NAALADL2: variants seen among roughly 807,000 people sequenced by gnomAD.
NAALADL2 encodes the protein inactive N-acetylated-alpha-linked acidic dipeptidase-like protein 2.
Under a neutral mutation model 87.2 loss-of-function variants are expected in NAALADL2, and 76 were observed. The ratio of observed to expected loss-of-function variants is 0.87; its 90% confidence interval spans 0.72 to 1.05. The LOEUF (loss-of-function observed/expected upper bound fraction) is 1.05. Ranked by LOEUF, NAALADL2 falls within the 50% of genes least tolerant of loss-of-function variation. The pLI, the probability that NAALADL2 is intolerant of heterozygous loss-of-function variation, is 0.00. For missense variants in NAALADL2, 1,089 were observed against 945.8 expected, an observed-to-expected ratio of 1.15 and a Z score of -1.99; for synonymous variants, 354 against 331.0, an observed-to-expected ratio of 1.07 and a Z score of -0.75.
At chr3:175,677,719 A>G (rs1735009936) in intron 11 of NAALADL2, among the ~76,000 whole-genome samples, 1 of 152,290 alleles carries the variant, frequency 6.6e-6, no homozygotes, top group Middle Eastern at 3.4e-3. Context: ...AAACTCACAA[A>G]TATTTGAGTT....
chr3:175,350,260 A>C (rs1194052745), intron 5 of NAALADL2, among the ~76,000 whole-genome samples: 9 of 152,174 alleles, frequency 5.9e-5, no homozygotes, highest in Non-Finnish European at 1.2e-4. Flanking sequence ...GGCAGTAAAA[A>C]TATACTCCTG....
chr3:175,226,130 T>C (rs1744120644), intron 2 of NAALADL2, among the ~76,000 whole-genome samples: 1 of 152,120 alleles, frequency 6.6e-6, no homozygotes, highest in Non-Finnish European at 1.5e-5. Context: ...GCATGCCTTC[T>C]ATTACTTGTA....
intron 2 of NAALADL2, among the ~76,000 whole-genome samples, chr3:175,207,100 T>C (rs76046447): frequency 6.6e-6 from 1 of 152,292 alleles, no homozygotes; most frequent in East Asian, 1.9e-4. Flanking sequence ...ATGATAGATG[T>C]TATAAATGCA....
rs550085264 is a variant in NAALADL2 at position 174,807,750 on chromosome 3, G to A, written c.-9+70004G>A. On this transcript the variant is annotated intron_variant, in intron 3 of 3. Coordinates refer to the NAALADL2 transcript ENST00000434257. ...TTTGTAGTTGGAATATAGGTAATTA[G>A]TGTAATTTGAAACATCCATGTAAAG... 2.6e-5 allele frequency among the ~76,000 whole-genome samples: 4 copies of A among 152,062 alleles called. No homozygotes were observed. The South Asian group carries it at 8.3e-4, about 32-fold the overall frequency.
intron 5 of NAALADL2, among the ~76,000 whole-genome samples, chr3:175,328,010 T>C (rs369103647): frequency 4.6e-5 from 7 of 152,314 alleles, no homozygotes; most frequent in African/African-American, 1.4e-4. Flanking sequence ...ACCTGCAGTT[T>C]TGTGAGAAAA....
At chr3:175,689,771 A>C (rs949025136) in intron 11 of NAALADL2, among the ~76,000 whole-genome samples, 2 of 152,112 alleles carry the variant, frequency 1.3e-5, no homozygotes. Context: ...GACTTCTTCA[A>C]AATGTCCACC....
intron 11 of NAALADL2, among the ~76,000 whole-genome samples, chr3:175,704,196 G>A (rs1435368546): frequency 1.3e-5 from 2 of 152,110 alleles, no homozygotes; most frequent in African/African-American, 4.8e-5. Context: ...TACTGTGCTT[G>A]CAATACACTA....
intron 3 of NAALADL2, among the ~76,000 whole-genome samples, chr3:174,781,341 G>A (rs1420993286): frequency 2.0e-5 from 3 of 151,684 alleles, no homozygotes; most frequent in Non-Finnish European, 1.5e-5. Flanking sequence ...GCTAGATGGG[G>A]GAAGTTCTCC....
At chr3:175,456,464 T>TACAC (rs58456254) in intron 6 of NAALADL2, among the ~76,000 whole-genome samples, 2,235 of 151,610 alleles carry the variant, frequency 0.015, 33 homozygotes, top group Non-Finnish European at 0.016. Flanking sequence ...TAACTACCAA[T>TACAC]ACACACACAC....
chr3:174,625,854 G>A (rs1164175402), intron 2 of NAALADL2, among the ~76,000 whole-genome samples: 1 of 151,896 alleles, frequency 6.6e-6, no homozygotes, highest in Non-Finnish European at 1.5e-5. Flanking sequence ...TCACACCTGT[G>A]CGCATATACA....
chr3:174,953,588 T>G (rs1318661808), intron 1 of NAALADL2, among the ~76,000 whole-genome samples: 1 of 151,708 alleles, frequency 6.6e-6, no homozygotes, highest in Non-Finnish European at 1.5e-5. Flanking sequence ...TTTGGCTGGG[T>G]AGGTAGAGTG....
chr3:175,207,823 A>T (rs1022866521), intron 2 of NAALADL2, among the ~76,000 whole-genome samples: 3 of 152,158 alleles, frequency 2.0e-5, no homozygotes, highest in Admixed American at 6.6e-5. Flanking sequence ...AAATGCACTG[A>T]CAGAGCAGTG....
At chr3:174,516,536 G>C (rs1168901118) in intron 1 of NAALADL2, among the ~76,000 whole-genome samples, 3 of 151,820 alleles carry the variant, frequency 2.0e-5, no homozygotes, top group African/African-American at 7.3e-5. Flanking sequence ...ACTGGACTTG[G>C]CAATTCATTT....
intron 2 of NAALADL2, among the ~76,000 whole-genome samples, chr3:174,566,561 C>G (rs1308165791): frequency 6.6e-6 from 1 of 151,520 alleles, no homozygotes; most frequent in African/African-American, 2.4e-5. Context: ...ACTGTTTTTC[C>G]TTTTTTTCAC....
intron 1 of NAALADL2, among the ~76,000 whole-genome samples, chr3:174,531,355 G>A (rs1331420838): frequency 2.0e-5 from 3 of 152,034 alleles, no homozygotes; most frequent in Non-Finnish European, 2.9e-5. Context: ...CGGTGCAAGA[G>A]TGATAGTGGG....
intron 4 of NAALADL2, among the ~76,000 whole-genome samples, chr3:175,289,672 A>G (rs1755413127): frequency 6.6e-6 from 1 of 152,124 alleles, no homozygotes; most frequent in South Asian, 2.1e-4. Flanking sequence ...TTAAGAGAGT[A>G]AAAAGAAGTT....
At chr3:174,452,294 A>T (rs1453031672) in intron 1 of NAALADL2, among the ~76,000 whole-genome samples, 1 of 152,090 alleles carries the variant, frequency 6.6e-6, no homozygotes, top group African/African-American at 2.4e-5. Flanking sequence ...CCCACTTGTT[A>T]TATGTATGAC....
intron 3 of NAALADL2, among the ~76,000 whole-genome samples, chr3:174,801,984 A>G (rs1718888931): frequency 6.6e-6 from 1 of 152,074 alleles, no homozygotes; most frequent in South Asian, 2.1e-4. Context: ...CAAATGAATA[A>G]TTTAATCTGT....
At chr3:175,572,931 G>C (rs1718306589) in intron 9 of NAALADL2, among the ~76,000 whole-genome samples, 1 of 151,580 alleles carries the variant, frequency 6.6e-6, no homozygotes, top group African/African-American at 2.4e-5. Flanking sequence ...GGATTGATTG[G>C]AATGGGGTCA....
Sources: gnomAD v4.1 joint callset for allele counts (sites outside exome capture counted in the v4.1 genomes callset) on GRCh38, gnomAD v4.1.1 for gene constraint, MANE v1.5 for transcripts, NCBI Gene and HGNC (gene_info 2026-07-23, HGNC 2026-07-21) for gene names.